The following ARHGAP6 variants were observed in gnomAD, a reference collection of about 807,000 sequenced individuals.
ARHGAP6 encodes rho GTPase-activating protein 6.
Under a neutral mutation model 55.7 loss-of-function variants are expected in ARHGAP6, and 16 were observed. That is an observed-to-expected ratio of 0.29 (90% CI 0.19 to 0.44). The LOEUF is 0.44. ARHGAP6 is among the 20% of genes least tolerant of loss of function. The pLI, the probability that ARHGAP6 is intolerant of heterozygous loss-of-function variation, is 1.00. For synonymous variants in ARHGAP6, 382 were observed against 360.9 expected, an observed-to-expected ratio of 1.06 and a Z score of -0.66; for missense variants, 698 against 808.9, an observed-to-expected ratio of 0.86 and a Z score of 1.66.
intron 9 of ARHGAP6, among the ~76,000 whole-genome samples, chrX:11,165,150 A>AT (rs769611298): frequency 1.1e-4 from 12 of 110,877 alleles, no homozygotes; most frequent in Admixed American, 1.9e-4. Context: ...ACAAAAATAC[A>AT]TTTTTTTTCT....
At chrX:11,652,952 A>G (rs2052602128) in intron 1 of ARHGAP6, among the ~76,000 whole-genome samples, 1 of 112,081 alleles carries the variant, frequency 8.9e-6, no homozygotes, top group Admixed American at 9.5e-5. Context: ...TTAGATTTTG[A>G]GCAAAAAGAG....
In ARHGAP6 at chrX:11,369,303, C is replaced by T. The variant is rs182354571; in HGVS notation, c.589-114596G>A. Reference sequence around the variant, plus strand: ...GCCATGCTTTTCAAATTTTAGTGTGCTTTAATGTATCACTGGGGGCTTCTG... The same window carrying T: ...GCCATGCTTTTCAAATTTTAGTGTGTTTTAATGTATCACTGGGGGCTTCTG... On this transcript the variant is annotated intron_variant, in intron 1 of 12. Transcript: ENST00000337414. Among the ~76,000 whole-genome samples, 30 of 111,075 alleles carry T rather than the reference C, an allele frequency of 2.7e-4. No homozygotes were observed. The Admixed American group carries it at 2.7e-3, about 10-fold the overall frequency.
At chrX:11,541,365 G>A (rs2051155853) in intron 1 of ARHGAP6, among the ~76,000 whole-genome samples, 1 of 111,041 alleles carries the variant, frequency 9.0e-6, no homozygotes, top group South Asian at 3.9e-4. Context: ...GGGGTGATTA[G>A]GGCAAGGGTT....
chrX:11,551,439 C>A (rs1365339968), intron 1 of ARHGAP6, among the ~76,000 whole-genome samples: 1 of 111,103 alleles, frequency 9.0e-6, no homozygotes, highest in Non-Finnish European at 1.9e-5. Context: ...TTTGATAAAC[C>A]AGAGAACCCA....
chrX:11,520,178 T>TATATATATATA (rs1491472649), intron 1 of ARHGAP6, among the ~76,000 whole-genome samples: 59 of 75,741 alleles, frequency 7.8e-4, no homozygotes, highest in Non-Finnish European at 1.1e-3. Context: ...TATATATATA[T>TATATATATATA]TACTTTAAGT....
intron 1 of ARHGAP6, among the ~76,000 whole-genome samples, chrX:11,444,108 T>C (rs1298562422): frequency 8.9e-6 from 1 of 112,171 alleles, no homozygotes; most frequent in Non-Finnish European, 1.9e-5. Context: ...TTGGCAACAT[T>C]TCCCTATAAA....
At chrX:11,566,375 G>A (rs1044677596) in intron 1 of ARHGAP6, among the ~76,000 whole-genome samples, 3 of 112,195 alleles carry the variant, frequency 2.7e-5, no homozygotes, top group Admixed American at 9.4e-5. Flanking sequence ...TAGGACAATT[G>A]CTGAGGTCTG....
intron 2 of ARHGAP6, among the ~76,000 whole-genome samples, chrX:11,213,894 C>T (rs1303943601): frequency 8.9e-6 from 1 of 111,987 alleles, no homozygotes; most frequent in Non-Finnish European, 1.9e-5. Flanking sequence ...TAAATAAATA[C>T]ATGAATAAAT....
At chrX:11,303,763 G>T (rs201017371) in intron 1 of ARHGAP6, among the ~76,000 whole-genome samples, 1 of 111,259 alleles carries the variant, frequency 9.0e-6, no homozygotes, top group Non-Finnish European at 1.9e-5. Context: ...GATGGTAGGG[G>T]GTGCAGCCTC....
intron 1 of ARHGAP6, among the ~76,000 whole-genome samples, chrX:11,406,882 T>C (rs2049615897): frequency 9.0e-6 from 1 of 110,759 alleles, no homozygotes; most frequent in African/African-American, 3.3e-5. Flanking sequence ...TTTTTTTTTT[T>C]TTAATAAGTA....
chrX:11,260,363 T>C (rs1255135018), intron 1 of ARHGAP6, among the ~76,000 whole-genome samples: 1 of 111,210 alleles, frequency 9.0e-6, no homozygotes, highest in East Asian at 2.8e-4. Flanking sequence ...GTGAAGGGCA[T>C]GCTCGCAGAC....
chrX:11,473,919 T>G (rs968210457), intron 1 of ARHGAP6, among the ~76,000 whole-genome samples: 1 of 111,569 alleles, frequency 9.0e-6, no homozygotes, highest in African/African-American at 3.3e-5. Flanking sequence ...TGAATTCAGT[T>G]GATATTGAAC....
intron 1 of ARHGAP6, among the ~76,000 whole-genome samples, chrX:11,324,875 G>A (rs1436920168): frequency 3.6e-5 from 4 of 112,188 alleles, no homozygotes; most frequent in East Asian, 2.8e-4. Context: ...CTTTTGAGAC[G>A]GAGTCTTGCT....
At chrX:11,502,710 GATTTTCTTAATAGC>G (rs765454025) in intron 1 of ARHGAP6, among the ~76,000 whole-genome samples, 138 of 110,989 alleles carry the variant, frequency 1.2e-3, no homozygotes, top group African/African-American at 4.3e-3. Flanking sequence ...TTATTCTTAT[GATTTTCTTAATAGC>G]ATTTTCTTTT....
At chrX:11,277,686 G>A (rs1410633362) in intron 1 of ARHGAP6, among the ~76,000 whole-genome samples, 1 of 101,052 alleles carries the variant, frequency 9.9e-6, no homozygotes, top group Non-Finnish European at 2.0e-5. Context: ...AAAATTTAGA[G>A]GTTTCTAGTA....
intron 1 of ARHGAP6, among the ~76,000 whole-genome samples, chrX:11,389,147 T>C (rs1310273299): frequency 1.8e-5 from 2 of 111,490 alleles, no homozygotes; most frequent in Non-Finnish European, 3.8e-5. Context: ...TGCTAAACAC[T>C]CTACAACGCA....
chrX:11,414,715 ATAATT>A (rs2049727340), intron 1 of ARHGAP6, among the ~76,000 whole-genome samples: 1 of 112,101 alleles, frequency 8.9e-6, no homozygotes, highest in Admixed American at 9.5e-5. Flanking sequence ...GATCAAATTA[ATAATT>A]TAATTGCCAA....
Position 11,142,330 on chromosome X carries a change from T to C in ARHGAP6, c.2177-17A>G. On this transcript the variant is annotated splice_polypyrimidine_tract_variant and intron_variant, in intron 11 of 12. Coordinates refer to ENST00000337414, the MANE Select transcript of ARHGAP6 (RefSeq NM_013427.3). ...CTGACAGATCTAGGGAAAAAGTGTA[T>C]AAAAAGGTATATAACACAAAAGGAA... 1 of 1,107,914 alleles carries C rather than the reference T, an allele frequency of 9.0e-7. No homozygotes were observed. The highest frequency in any genetic ancestry group is 1.2e-6 in the Non-Finnish European group (1 of 812,648). The allele number at this position is 1,107,914 out of a possible 1,213,427, so 91.3% of individuals were successfully genotyped here. A position where few individuals can be genotyped will look rare whatever the true frequency, so the allele number is the denominator to read the frequency against.
At chrX:11,175,265 C>T (rs1462506460) in intron 8 of ARHGAP6, among the ~76,000 whole-genome samples, 1 of 112,202 alleles carries the variant, frequency 8.9e-6, no homozygotes, top group Admixed American at 9.4e-5. Flanking sequence ...TACTACAGTT[C>T]ACAATGGCTG....
Sources: allele counts gnomAD v4.1 joint callset (sites outside exome capture counted in the v4.1 genomes callset), GRCh38; gene constraint gnomAD v4.1.1; transcripts MANE v1.5; gene names NCBI Gene and HGNC (gene_info 2026-07-23, HGNC 2026-07-21).